FHIP2B: variants seen among roughly 807,000 people sequenced by gnomAD.
The protein encoded by FHIP2B is FHF complex subunit HOOK interacting protein 2B, also known as FHF complex subunit HOOK-interacting protein 2B.
A neutral mutation model predicts 84.0 loss-of-function variants in FHIP2B; 72 were observed. The ratio of observed to expected loss-of-function variants is 0.86; its 90% CI spans 0.71 to 1.04. The LOEUF (loss-of-function observed/expected upper bound fraction) is 1.04. Ranked by LOEUF, FHIP2B falls within the 50% of genes least tolerant of loss-of-function variation. The probability of loss-of-function intolerance (pLI) is 0.00; values close to 1 mark genes in which losing one functional copy is unlikely to be tolerated. For missense variants in FHIP2B, 972 were observed against 968.9 expected (o/e 1.00, Z -0.04); for synonymous variants, 497 against 418.7 (o/e 1.19, Z -2.28).
At position 22,104,345 on chromosome 8, in the gene FHIP2B, C is replaced by G. The variant is rs775035928; in HGVS notation, c.*1414C>G. On this transcript the variant is annotated 3_prime_UTR_variant, in exon 17 of 17. Coordinates refer to ENST00000289921, the MANE Select transcript of FHIP2B (RefSeq NM_022749.7). ...TTTGGCATTTGCACGGTGTCTTCCC[C>G]GGACAGCACAGCAATAAATGGTGTG... 6.6e-6 allele frequency: 1 copy of G among 152,474 alleles called. No individual in the cohort carries two copies. The highest frequency in any genetic ancestry group is 1.5e-5 in the Non-Finnish European group (1 of 68,038). 9.4% of individuals were successfully genotyped at this position (152,474 alleles called of 1,614,324 possible).
In FHIP2B at chr8:22,100,775, C is replaced by T. The variant is rs775482756; in HGVS notation, c.1487+36C>T. ...CCGGCGCCCTTTGGACTCAGCCCAG[C>T]CCTTAGCACTCGCACGCTCACTCTG... On this transcript the variant is annotated intron_variant, in intron 11 of 16. Transcript: ENST00000289921. The T allele has an allele frequency of 1.9e-6, 3 of 1,610,388 alleles. No homozygotes were observed. The East Asian group carries it at 6.7e-5, about 36-fold the overall frequency.
Position 22,104,824 on chromosome 8 carries a change from C to A in FHIP2B, c.*1893C>A, listed in dbSNP as rs1287733305. 7.6e-6 allele frequency: 1 copy of A among 132,416 alleles called. No individual in the cohort carries two copies. The highest frequency in any genetic ancestry group is 2.7e-5 in the African/African-American group (1 of 36,422). The allele number at this position is 132,416 out of a possible 1,614,324, so 8.2% of individuals were successfully genotyped here. A position where few individuals can be genotyped will look rare whatever the true frequency, so the allele number is the denominator to read the frequency against. ...CTCCAGCCTGGGCAATAGAGTAAGA[C>A]CCTGTCTAAAAAAAAAAAAAAAAAA... is the stretch of plus-strand genomic sequence containing the variant. On this transcript the variant is annotated 3_prime_UTR_variant, in exon 17 of 17. Transcript: ENST00000289921.
rs1826218493 is a variant in FHIP2B at position 22,103,098 on chromosome 8, G to T, written c.*167G>T. ...CACCAGACTGGGTTTCAGGGAATGG[G>T]CATGCCAGGTGCCAAGGAGCCAAAC... On this transcript the variant is annotated 3_prime_UTR_variant, in exon 17 of 17. Coordinates refer to ENST00000289921, the MANE Select transcript of FHIP2B (RefSeq NM_022749.7). 1 of 926,938 alleles carries T rather than the reference G, an allele frequency of 1.1e-6. No homozygotes were observed. The highest frequency in any genetic ancestry group is 1.7e-5 in the African/African-American group (1 of 59,838). The allele number at this position is 926,938 out of a possible 1,614,324, so 57.4% of individuals were successfully genotyped here. A position where few individuals can be genotyped will look rare whatever the true frequency, so the allele number is the denominator to read the frequency against.
intron 1 of FHIP2B, chr8:22,089,716 G>C (rs927886357): frequency 8.2e-7 from 1 of 1,216,434 alleles, no homozygotes; most frequent in African/African-American, 1.6e-5. Context: ...GCCTCGCCTG[G>C]GCTTGAAAAA....
In FHIP2B at chr8:22,101,488, G is replaced by A; in HGVS notation, c.1665G>A (p.Glu555=). The A allele has an allele frequency of 6.2e-7, 1 of 1,612,940 alleles. No individual in the cohort carries two copies. The highest frequency in any genetic ancestry group is 1.7e-5 in the Admixed American group (1 of 59,948). ...AAGCCAAGACCTCTGCCTTCCTGGA[G>A]GAGACAGGCTATGACACATACGTCC... is the stretch of plus-strand genomic sequence containing the variant. ...PEEAKTSAFL[E]ETGYDTYVHD... The change falls in exon 13 of 17, where the codon GAG becomes GAA. Residue 555 remains glutamate (E), a synonymous_variant. Coordinates refer to ENST00000289921, the MANE Select transcript of FHIP2B (RefSeq NM_022749.7).
chr8:22,098,867 G>A (rs1825942364), intron 7 of FHIP2B, 81 bp from the exon 8 acceptor site: 1 of 1,233,106 alleles, frequency 8.1e-7, no homozygotes, highest in South Asian at 1.3e-5. Flanking sequence ...GAGAGGGGAA[G>A]GGCCCAGTTT....
At position 22,098,186 on chromosome 8, in the gene FHIP2B, T is replaced by A; in HGVS notation, c.644T>A (p.Leu215Gln). Residue 215 changes from leucine (L) to glutamine (Q), a missense_variant, in exon 6 of 17, where the codon CTG (leucine) becomes CAG (glutamine). By Grantham distance (113) the Leu-to-Gln change is moderately radical (BLOSUM62 -2). Transcript: ENST00000289921. ...SHDGAPARPQ[L>Q]DGESCGAQAL... ...GATGGTGCTCCTGCCAGGCCCCAGC[T>A]GGACGGGGAGTCCTGTGGGGCCCAG... 6.3e-7 allele frequency: 1 copy of A among 1,577,174 alleles called. No homozygotes were observed. The highest frequency in any genetic ancestry group is 1.2e-5 in the South Asian group (1 of 86,138).
chr8:22,100,778 T>G, intron 11 of FHIP2B, 39 bp downstream of exon 11: 4 of 1,610,764 alleles, frequency 2.5e-6, no homozygotes, highest in Non-Finnish European at 3.4e-6. Flanking sequence ...AGCCCAGCCC[T>G]TAGCACTCGC....
In FHIP2B at chr8:22,102,810, T is replaced by A; in HGVS notation, c.2111T>A (p.Leu704His). The change falls in exon 17 of 17, where the codon CTC becomes CAC. Residue 704 changes from leucine (L) to histidine (H), a missense_variant. By Grantham distance (99) the Leu-to-His change is moderately conservative. Transcript: ENST00000289921. ...APGEQLDHQT[L>H]LQGVVVLEEF... The stretch of plus-strand genomic sequence containing the variant: ...CCCCTCAGGCTGGACCACCAGACCC[T>A]CCTCCAGGGCGTGGTGGTGCTGGAG... 1 of 1,613,310 alleles carries A rather than the reference T, an allele frequency of 6.2e-7. No homozygotes were observed. Among genetic ancestry groups the A allele is most frequent in the Non-Finnish European group, 8.5e-7 (1 of 1,179,738 alleles).
Position 22,098,496 on chromosome 8 carries a change from C to T in FHIP2B, c.842C>T (p.Thr281Ile), listed in dbSNP as rs919587882. 5.0e-6 allele frequency: 8 copies of T among 1,613,082 alleles called. No individual in the cohort carries two copies. The highest frequency in any genetic ancestry group is 6.8e-6 in the Non-Finnish European group (8 of 1,179,622). ...LVSMASPAAA[T>I]YLVQSSACCP... is the part of the protein sequence containing the mutation. ...AGCATGGCCTCCCCAGCAGCTGCCA[C>T]CTACCTGGTACAGAGCAGCGCCTGC... Residue 281 changes from threonine to isoleucine, a missense_variant, in exon 7 of 17, where the codon ACC becomes ATC. Transcript: ENST00000289921.
At position 22,102,196 on chromosome 8, in the gene FHIP2B, G is replaced by C. The variant is rs1826158995; in HGVS notation, c.1873G>C (p.Val625Leu). The change falls in exon 15 of 17, where the codon GTG (valine) becomes CTG (leucine). Residue 625 changes from valine to leucine, a missense_variant. By Grantham distance (32) the Val-to-Leu change is conservative. Transcript: ENST00000289921. Reference sequence around the variant, plus strand: ...ACAGCCATACAGCCTGAACCTGCAGGTGACCTCGGTCCTGTCCCGGCTTGC... The same window carrying C: ...ACAGCCATACAGCCTGAACCTGCAGCTGACCTCGGTCCTGTCCCGGCTTGC... ...LDQPYSLNLQ[V>L]TSVLSRLALF... The C allele has an allele frequency of 6.2e-7, 1 of 1,613,376 alleles. No individual in the cohort carries two copies. Among genetic ancestry groups the C allele is most frequent in the African/African-American group, 1.3e-5 (1 of 74,906 alleles).
At chr8:22,094,071 C>T (rs1198403240) in intron 1 of FHIP2B, among the ~76,000 whole-genome samples, 3 of 152,096 alleles carry the variant, frequency 2.0e-5, no homozygotes, top group Non-Finnish European at 4.4e-5. Flanking sequence ...ACTGCGCTCC[C>T]GTGTTCCTCT....
Position 22,089,187 on chromosome 8 carries a change from G to T in FHIP2B, c.-67G>T. ...GCGCCGGGGCCGCCGGGGCCACGGG[G>T]CTGCCTCCTCCGCCTAGAGCGCTGC... On this transcript the variant is annotated 5_prime_UTR_variant, in exon 1 of 17. Transcript: ENST00000289921. 1 of 1,000,562 alleles carries T rather than the reference G, an allele frequency of 1.0e-6. No homozygotes were observed. Among genetic ancestry groups the T allele is most frequent in the South Asian group, 4.6e-5 (1 of 21,674 alleles). 62.0% of individuals were successfully genotyped at this position (1,000,562 alleles called of 1,614,324 possible). A position where few individuals can be genotyped will look rare whatever the true frequency, so the allele number is the denominator to read the frequency against.
At position 22,098,564 on chromosome 8, in the gene FHIP2B, A is replaced by G; in HGVS notation, c.910A>G (p.Met304Val). Residue 304 changes from methionine to valine, a missense_variant, in exon 7 of 17, where the codon ATG (methionine) becomes GTG (valine). Transcript: ENST00000289921. The stretch of plus-strand genomic sequence containing the variant: ...GCACCTTTGCCAGTTGTACCGGTCC[A>G]TGCCTGTCTTCCTGGACCCCGCAGA... The part of the protein sequence containing the change: ...VRHLCQLYRS[M>V]PVFLDPADIA... 1.9e-6 allele frequency: 3 copies of G among 1,609,862 alleles called. No homozygotes were observed. Among genetic ancestry groups the G allele is most frequent in the Non-Finnish European group, 2.5e-6 (3 of 1,178,292 alleles).
chr8:22,089,968 T>C (rs1310590545), intron 1 of FHIP2B: 2 of 604,936 alleles, frequency 3.3e-6, no homozygotes, highest in Non-Finnish European at 5.0e-6. Flanking sequence ...GTTAGGGACA[T>C]GCCGCCCGTG....
chr8:22,102,955 C>T lies in FHIP2B; in HGVS notation c.*24C>T. The T allele has an allele frequency of 6.2e-7, 1 of 1,608,580 alleles. No homozygotes were observed. The highest frequency in any genetic ancestry group is 8.5e-7 in the Non-Finnish European group (1 of 1,177,638). On this transcript the variant is annotated 3_prime_UTR_variant, in exon 17 of 17. Transcript: ENST00000289921. ...GAGCCAGCACCAGGGCGGTGGGAGA[C>T]TCCTGTCCACACCTCTGCCCCAGAG...
chr8:22,097,713 C>G lies in FHIP2B; in HGVS notation c.403-4C>G. The G allele has an allele frequency of 6.2e-7, 1 of 1,612,680 alleles. No homozygotes were observed. The highest frequency in any genetic ancestry group is 2.2e-5 in the East Asian group (1 of 44,874). ...CCTCTGTTTCTGTCCTGGTGCTCTT[C>G]CAGAAACTCCTCCGACTTGGTGGGA... On this transcript the variant is annotated splice_region_variant and splice_polypyrimidine_tract_variant and intron_variant, in intron 4 of 16. Coordinates refer to ENST00000289921, the MANE Select transcript of FHIP2B (RefSeq NM_022749.7).
intron 1 of FHIP2B, among the ~76,000 whole-genome samples, chr8:22,093,905 A>G (rs1825631845): frequency 6.6e-6 from 1 of 151,532 alleles, no homozygotes; most frequent in African/African-American, 2.4e-5. Flanking sequence ...GTTTATAGAG[A>G]CAGAGCTTCA....
chr8:22,099,763 G>C lies in FHIP2B; in HGVS notation c.1211G>C (p.Arg404Pro). ...ALLTAMLRQLRSPALLREAVA... is the reference protein window; with the variant it reads ...ALLTAMLRQLPSPALLREAVA... ...CTCACAGCCATGCTGCGCCAGCTTC[G>C]CTCCCCTGCGCTGCTGCGGGAGGCC... Residue 404 changes from arginine to proline, a missense_variant, in exon 10 of 17, where the codon CGC becomes CCC. Arg to Pro is a moderately radical substitution (Grantham distance 103). Coordinates refer to ENST00000289921, the MANE Select transcript of FHIP2B (RefSeq NM_022749.7). 1 of 1,608,872 alleles carries C rather than the reference G, an allele frequency of 6.2e-7. No homozygotes were observed. Among genetic ancestry groups the C allele is most frequent in the Non-Finnish European group, 8.5e-7 (1 of 1,178,974 alleles).
Sources: allele counts gnomAD v4.1 joint callset (sites outside exome capture counted in the v4.1 genomes callset), GRCh38; gene constraint gnomAD v4.1.1; transcripts MANE v1.5; gene names NCBI Gene and HGNC (gene_info 2026-07-23, HGNC 2026-07-21).